The following UAP1L1 variants were observed in gnomAD, a reference collection of about 807,000 sequenced individuals.
UAP1L1 encodes UDP-N-acetylglucosamine pyrophosphorylase 1 like 1.
UAP1L1 carries 45 observed loss-of-function variants against 45.3 expected under a neutral mutation model. That is an observed-to-expected ratio of 0.99 (90% CI 0.78 to 1.27). The LOEUF is 1.27. Among genes scored for constraint, UAP1L1 ranks in the 50% most tolerant of loss-of-function variants. The pLI is 0.00. For missense variants in UAP1L1, 667 were observed against 694.0 expected (o/e 0.96, Z 0.44); for synonymous variants, 323 against 303.9 (o/e 1.06, Z -0.65).
rs370904086 is a variant in UAP1L1, at chr9:137,082,733, G to A, written c.*4G>A. The A allele has an allele frequency of 7.1e-6, 11 of 1,546,326 alleles. No homozygotes were observed. In the East Asian group the frequency reaches 7.3e-5, roughly 10 times the overall value. Reference sequence around the variant, plus strand: ...GCCGCAGCTGCAGGAGTCCTGACCCGCCCAGACTGTCCCCAGACTCCCCCG... The same window carrying A: ...GCCGCAGCTGCAGGAGTCCTGACCCACCCAGACTGTCCCCAGACTCCCCCG... On this transcript the variant is annotated 3_prime_UTR_variant, in exon 9 of 9. Transcript: ENST00000409858. This position sits in a 1 kb window ranked among gnomAD's most constrained non-coding sequence, Gnocchi z 5.7.
intron 7 of UAP1L1, 29 bp downstream of exon 7, chr9:137,080,903 C>T: frequency 1.3e-6 from 2 of 1,532,676 alleles, no homozygotes; most frequent in Non-Finnish European, 1.7e-6. Flanking sequence ...TAGCTACAGC[C>T]AGAAGGGGAG....
At chr9:137,079,645 A>G (rs1832760821) in intron 5 of UAP1L1, 196 bp downstream of exon 5, 3 of 610,768 alleles carry the variant, frequency 4.9e-6, no homozygotes, top group African/African-American at 1.9e-5. Context: ...GAGATCAGGC[A>G]CAAGCCGTGC....
rs1263205005 is a variant in UAP1L1, at chr9:137,084,379, T to G, written c.*1650T>G. The G allele has an allele frequency of 1.3e-5, 2 of 152,248 alleles. No individual in the cohort carries two copies. Among genetic ancestry groups the G allele is most frequent in the Admixed American group, 1.3e-4 (2 of 15,282 alleles). 9.4% of individuals were successfully genotyped at this position (152,248 alleles called of 1,614,324 possible). A position where few individuals can be genotyped will look rare whatever the true frequency, so the allele number is the denominator to read the frequency against. On this transcript the variant is annotated 3_prime_UTR_variant, in exon 9 of 9. Coordinates refer to ENST00000409858, the MANE Select transcript of UAP1L1 (RefSeq NM_207309.3). Reference sequence around the variant, plus strand: ...TTAGTAGAGATGGGGTTTGACCGTGTTAGCCAGGATGGTCTCGATCTCCTG... The same window carrying G: ...TTAGTAGAGATGGGGTTTGACCGTGGTAGCCAGGATGGTCTCGATCTCCTG...
chr9:137,082,443 G>A lies in UAP1L1; in HGVS notation c.1432-194G>A, dbSNP rs556379126. ...ACAGGAGGGTCCCCTGCTGGCCTAG[G>A]GTCTTGAGTGTGGTCTTGGGTGGCC... On this transcript the variant is annotated intron_variant, in intron 8 of 8. Coordinates refer to ENST00000409858, the MANE Select transcript of UAP1L1 (RefSeq NM_207309.3). This position sits in a 1 kb window ranked among gnomAD's most constrained non-coding sequence, Gnocchi z 5.7. The A allele has an allele frequency of 4.9e-3, 2,927 of 600,898 alleles. 13 individuals are homozygous for A. Among genetic ancestry groups the A allele is most frequent in the Non-Finnish European group, 6.5e-3 (2,178 of 336,472 alleles). The allele number at this position is 600,898 out of a possible 1,614,324, so 37.2% of individuals were successfully genotyped here.
rs1832712849 is a variant in UAP1L1 at position 137,077,676 on chromosome 9, G to A, written c.144G>A (p.Glu48=). The change falls in exon 1 of 9, where the codon GAG becomes GAA. Residue 48 remains glutamate, a synonymous_variant. Coordinates refer to ENST00000409858, the MANE Select transcript of UAP1L1 (RefSeq NM_207309.3). This position sits in a 1 kb window ranked among gnomAD's most constrained non-coding sequence, Gnocchi z 4.7. Reference sequence around the variant, plus strand: ...TGCTGGAGCCCGAGGCGCTGCGCGAGCACTGCCGGCGGGCGGCGGAGGCCT... The same window carrying A: ...TGCTGGAGCCCGAGGCGCTGCGCGAACACTGCCGGCGGGCGGCGGAGGCCT... ...LALLEPEALR[E]HCRRAAEACA... 3 of 1,190,666 alleles carry A rather than the reference G, an allele frequency of 2.5e-6. No individual in the cohort carries two copies. The highest frequency in any genetic ancestry group is 4.5e-5 in the Admixed American group (1 of 21,998). 73.8% of individuals were successfully genotyped at this position (1,190,666 alleles called of 1,614,324 possible). A position where few individuals can be genotyped will look rare whatever the true frequency, so the allele number is the denominator to read the frequency against.
chr9:137,082,550 C>G lies in UAP1L1; in HGVS notation c.1432-87C>G. On this transcript the variant is annotated intron_variant, in intron 8 of 8. Transcript: ENST00000409858. This position sits in a 1 kb window ranked among gnomAD's most constrained non-coding sequence, Gnocchi z 5.7. ...ACTCCAGGCAGACCTGGGATCGCAC[C>G]TGGGGACTGTGGCTCTTGGTGTGGC... 2 of 1,137,146 alleles carry G rather than the reference C, an allele frequency of 1.8e-6. No homozygotes were observed. The highest frequency in any genetic ancestry group is 2.6e-6 in the Non-Finnish European group (2 of 777,362). 70.4% of individuals were successfully genotyped at this position (1,137,146 alleles called of 1,614,324 possible). A position where few individuals can be genotyped will look rare whatever the true frequency, so the allele number is the denominator to read the frequency against.
At position 137,079,298 on chromosome 9, in the gene UAP1L1, T is replaced by C; in HGVS notation, c.886T>C (p.Cys296Arg). Residue 296 changes from cysteine to arginine, a missense_variant, in exon 5 of 9, where the codon TGC becomes CGC. Physicochemically the swap from Cys to Arg is radical, Grantham distance 180. Transcript: ENST00000409858. ...CCCCGAGGAGCCCGTGGGCGTGGTGTGCCAGGTGGACGGTGTCCCCCAGGT... is the reference window on the plus strand; with the variant it reads ...CCCCGAGGAGCCCGTGGGCGTGGTGCGCCAGGTGGACGGTGTCCCCCAGGT... ...AYPEEPVGVV[C>R]QVDGVPQVVE... 3.1e-6 allele frequency: 5 copies of C among 1,612,646 alleles called. No individual in the cohort carries two copies. Among genetic ancestry groups the C allele is most frequent in the South Asian group, 1.1e-5 (1 of 91,050 alleles).
At position 137,077,623 on chromosome 9, in the gene UAP1L1, C is replaced by G. The variant is rs934787662; in HGVS notation, c.91C>G (p.Arg31Gly). The change falls in exon 1 of 9, where the codon CGA (arginine) becomes GGA (glycine). Residue 31 changes from arginine (R) to glycine (G), a missense_variant. Transcript: ENST00000409858. This position sits in a 1 kb window ranked among gnomAD's most constrained non-coding sequence, Gnocchi z 4.7. ...CTGGGCCGAGCTGGCGCCGGAGCCA[C>G]GAGCCGCGCTGCTGGCGGAGCTGGC... ...RFWAELAPEP[R>G]AALLAELALL... 39 of 1,335,560 alleles carry G rather than the reference C, an allele frequency of 2.9e-5. No individual in the cohort carries two copies. In the African/African-American group the frequency reaches 4.3e-4, roughly 15 times the overall value. The allele number at this position is 1,335,560 out of a possible 1,614,324, so 82.7% of individuals were successfully genotyped here. A position where few individuals can be genotyped will look rare whatever the true frequency, so the allele number is the denominator to read the frequency against.
chr9:137,078,687 G>T lies in UAP1L1; in HGVS notation c.670+10G>T. The T allele has an allele frequency of 1.1e-5, 18 of 1,607,350 alleles. No homozygotes were observed. The highest frequency in any genetic ancestry group is 1.5e-5 in the Non-Finnish European group (18 of 1,176,264). On this transcript the variant is annotated intron_variant, in intron 3 of 8. Transcript: ENST00000409858. ...GTTGCCATGGCCCCAGGTGTGGCCCGTTCCTGAGACGGGGAGGGACCGCCC... is the reference window on the plus strand; with the variant it reads ...GTTGCCATGGCCCCAGGTGTGGCCCTTTCCTGAGACGGGGAGGGACCGCCC...
rs987466633 is a variant in UAP1L1 at position 137,082,758 on chromosome 9, G to A, written c.*29G>A. ...GCCCAGACTGTCCCCAGACTCCCCC[G>A]AGACCTGCCAGCCCCGGCATCCTGG... On this transcript the variant is annotated 3_prime_UTR_variant, in exon 9 of 9. Coordinates refer to ENST00000409858, the MANE Select transcript of UAP1L1 (RefSeq NM_207309.3). This position sits in a 1 kb window ranked among gnomAD's most constrained non-coding sequence, Gnocchi z 5.7. The A allele has an allele frequency of 4.9e-5, 75 of 1,522,938 alleles. No homozygotes were observed. Among genetic ancestry groups the A allele is most frequent in the Middle Eastern group, 2.2e-4 (1 of 4,510 alleles). The allele number at this position is 1,522,938 out of a possible 1,614,324, so 94.3% of individuals were successfully genotyped here. A position where few individuals can be genotyped will look rare whatever the true frequency, so the allele number is the denominator to read the frequency against.
chr9:137,077,541 G>T lies in UAP1L1; in HGVS notation c.9G>T (p.Ser3=). 1 of 1,381,550 alleles carries T rather than the reference G, an allele frequency of 7.2e-7. No homozygotes were observed. The highest frequency in any genetic ancestry group is 9.4e-7 in the Non-Finnish European group (1 of 1,059,348). The allele number at this position is 1,381,550 out of a possible 1,614,324, so 85.6% of individuals were successfully genotyped here. A position where few individuals can be genotyped will look rare whatever the true frequency, so the allele number is the denominator to read the frequency against. ...CAGACGGCAGCGGCGACATGGCTTC[G>T]GAGCAGGACGTGCGCGCCCGGCTGC... The part of the protein sequence containing the change: MA[S]EQDVRARLQR... The change falls in exon 1 of 9, where the codon TCG becomes TCT. Residue 3 remains serine (S), a synonymous_variant. Coordinates refer to ENST00000409858, the MANE Select transcript of UAP1L1 (RefSeq NM_207309.3). The surrounding 1 kb of genome is among the most constrained non-coding windows in gnomAD (Gnocchi z 4.7).
At chr9:137,079,962 G>A in intron 5 of UAP1L1, 40 bp from the exon 6 acceptor site, 1 of 1,610,002 alleles carries the variant, frequency 6.2e-7, no homozygotes, top group Non-Finnish European at 8.5e-7. Flanking sequence ...TGCCATATCT[G>A]ATCTGTTTCT....
rs1352437328 is a variant in UAP1L1 at position 137,083,757 on chromosome 9, G to A, written c.*1028G>A. ...TCTCGCCTGCTTTCTCATCTCAGGGGAGGCAGTGGCACCTCCCTCTCCCTG... is the reference window on the plus strand; with the variant it reads ...TCTCGCCTGCTTTCTCATCTCAGGGAAGGCAGTGGCACCTCCCTCTCCCTG... On this transcript the variant is annotated 3_prime_UTR_variant, in exon 9 of 9. Transcript: ENST00000409858. 1.3e-5 allele frequency: 2 copies of A among 152,232 alleles called. No individual in the cohort carries two copies. Among genetic ancestry groups the A allele is most frequent in the East Asian group, 1.9e-4 (1 of 5,202 alleles). 9.4% of individuals were successfully genotyped at this position (152,232 alleles called of 1,614,324 possible). A position where few individuals can be genotyped will look rare whatever the true frequency, so the allele number is the denominator to read the frequency against.
chr9:137,081,290 TCC>T (rs1270086814), intron 7 of UAP1L1, among the ~76,000 whole-genome samples: 2 of 151,244 alleles, frequency 1.3e-5, no homozygotes, highest in East Asian at 3.9e-4. Flanking sequence ...AGCTCCACCC[TCC>T]CCCGGTTTCC....
At position 137,083,498 on chromosome 9, in the gene UAP1L1, T is replaced by C. The variant is rs2131545823; in HGVS notation, c.*769T>C. 6.6e-6 allele frequency: 1 copy of C among 152,466 alleles called. No homozygotes were observed. The highest frequency in any genetic ancestry group is 1.5e-5 in the Non-Finnish European group (1 of 68,108). 9.4% of individuals were successfully genotyped at this position (152,466 alleles called of 1,614,324 possible). A position where few individuals can be genotyped will look rare whatever the true frequency, so the allele number is the denominator to read the frequency against. The stretch of plus-strand genomic sequence containing the variant: ...GGTCGGTTTAGGCTGCTGAGTTTTC[T>C]GTGCTTCCCCAAGAACCAGTGGGAT... On this transcript the variant is annotated 3_prime_UTR_variant, in exon 9 of 9. Coordinates refer to ENST00000409858, the MANE Select transcript of UAP1L1 (RefSeq NM_207309.3).
chr9:137,080,980 G>A (rs919542949), intron 7 of UAP1L1, 106 bp downstream of exon 7: 97 of 1,187,944 alleles, frequency 8.2e-5, no homozygotes, highest in Middle Eastern at 2.9e-4. Context: ...CTGGGGAGGG[G>A]TCTTCCTTCC....
rs1832820411 is a variant in UAP1L1, at chr9:137,083,230, AG to A, written c.*506del. 1 of 155,924 alleles carries A rather than the reference AG, an allele frequency of 6.4e-6. No homozygotes were observed. Among genetic ancestry groups the A allele is most frequent in the Non-Finnish European group, 1.4e-5 (1 of 70,016 alleles). 9.7% of individuals were successfully genotyped at this position (155,924 alleles called of 1,614,324 possible). ...AGCCTACAGATGCAGAACCAGAATG[AG>A]GGGGACAATTCCACCCACTCGAGGG... On this transcript the variant is annotated 3_prime_UTR_variant, in exon 9 of 9. Coordinates refer to ENST00000409858, the MANE Select transcript of UAP1L1 (RefSeq NM_207309.3).
chr9:137,080,926 C>T (rs1832779512), intron 7 of UAP1L1, 52 bp downstream of exon 7: 1 of 1,469,570 alleles, frequency 6.8e-7, no homozygotes, highest in South Asian at 1.3e-5. Flanking sequence ...CTGTCAGGAC[C>T]CAATCTTCAG....
intron 2 of UAP1L1, 29 bp from the exon 3 acceptor site, chr9:137,078,473 G>A: frequency 6.2e-7 from 1 of 1,612,654 alleles, no homozygotes; most frequent in East Asian, 2.2e-5. Context: ...AGGCGTACTC[G>A]CGGCCGGCTC....
Sources: gnomAD v4.1 joint callset for allele counts (sites outside exome capture counted in the v4.1 genomes callset) on GRCh38, gnomAD v4.1.1 for gene constraint, Gnocchi (gnomAD v3.1) non-coding constraint, MANE v1.5 for transcripts, NCBI Gene and HGNC (gene_info 2026-07-23, HGNC 2026-07-21) for gene names.